Variants in FLII observed in about 807,000 individuals in gnomAD.
FLII encodes the protein protein flightless-1 homolog.
A neutral mutation model predicts 156.2 loss-of-function variants in FLII; 101 were observed. The observed-to-expected ratio is 0.65, with a 90% CI of 0.55 to 0.76. The LOEUF is 0.76. FLII is among the 30% of genes least tolerant of loss of function. The pLI is 0.00. For missense variants in FLII, 1,675 were observed against 1,682.8 expected (o/e 1.00, Z 0.08); for synonymous variants, 767 against 685.8 (o/e 1.12, Z -1.85).
At chr17:18,252,314 G>C (rs1004981760) in intron 10 of FLII, among the ~76,000 whole-genome samples, 158 bp downstream of exon 10, 6 of 152,170 alleles carry the variant, frequency 3.9e-5, no homozygotes, top group African/African-American at 1.2e-4. Flanking sequence ...TGAGACTGTG[G>C]AATGTACTCT....
chr17:18,248,890 A>G lies in FLII; in HGVS notation c.1935-7T>C. Reference sequence around the variant, plus strand: ...GTCCAGCAGGAAAACAAACCTGGACAAGAAGGGGCAGGAAGGAGCTGTGAT... The same window carrying G: ...GTCCAGCAGGAAAACAAACCTGGACGAGAAGGGGCAGGAAGGAGCTGTGAT... On this transcript the variant is annotated splice_region_variant and splice_polypyrimidine_tract_variant and intron_variant, in intron 16 of 29. Transcript: ENST00000327031. The G allele has an allele frequency of 6.2e-7, 1 of 1,612,212 alleles. No individual in the cohort carries two copies. The highest frequency in any genetic ancestry group is 8.5e-7 in the Non-Finnish European group (1 of 1,178,388).
At chr17:18,245,499 G>T (rs1411669994) in intron 28 of FLII, 56 bp downstream of exon 28, 5 of 1,610,924 alleles carry the variant, frequency 3.1e-6, no homozygotes, top group East Asian at 2.2e-5. Context: ...ATTCCCATTT[G>T]TAAGTAAGTC....
chr17:18,255,165 G>A lies in FLII; in HGVS notation c.327+18C>T. ...GGTCCGGCTAGCACAGGGGCCAGGT[G>A]AGTGGGTAGCCACTGACCAGGACTG... On this transcript the variant is annotated intron_variant, in intron 4 of 29. Transcript: ENST00000327031. The A allele has an allele frequency of 8.8e-6, 14 of 1,584,150 alleles. No homozygotes were observed. Among genetic ancestry groups the A allele is most frequent in the South Asian group, 2.2e-5 (2 of 90,518 alleles).
Position 18,249,149 on chromosome 17 carries a change from T to A in FLII, c.1912A>T (p.Lys638Ter), listed in dbSNP as rs748336694. The A allele has an allele frequency of 2.5e-6, 4 of 1,614,114 alleles. No homozygotes were observed. The highest frequency in any genetic ancestry group is 3.4e-6 in the Non-Finnish European group (4 of 1,180,006). The change falls in exon 16 of 30, where the codon AAG (lysine) becomes TAG (stop). Residue 638 changes from lysine to a stop codon, truncating the protein, a stop_gained. Transcript: ENST00000327031. LOFTEE classifies it high-confidence loss of function. Reference sequence around the variant, plus strand: ...CACCTTGGGTCCAGAGAGGTCCCCTTGAGGGGCACAGGCTCCAACTTGATG... The same window carrying A: ...CACCTTGGGTCCAGAGAGGTCCCCTAGAGGGGCACAGGCTCCAACTTGATG... ...KNIKLEPVPL[K>*]GTSLDPRFVF...
At position 18,254,520 on chromosome 17, in the gene FLII, C is replaced by T. The variant is rs1353658399; in HGVS notation, c.575+1G>A. 8 of 1,607,930 alleles carry T rather than the reference C, an allele frequency of 5.0e-6. No individual in the cohort carries two copies. The Admixed American group carries it at 5.1e-5, about 10-fold the overall frequency. On this transcript the variant is annotated splice_donor_variant, in intron 6 of 29. Coordinates refer to ENST00000327031, the MANE Select transcript of FLII (RefSeq NM_002018.4). LOFTEE classifies it high-confidence loss of function. ...GGAGTGCGGTCCGAGGGGGCGCCCA[C>T]CGGAGCTGTGCATGCAGCAGGGGGT...
chr17:18,253,638 C>T lies in FLII; in HGVS notation c.761G>A (p.Ser254Asn). The T allele has an allele frequency of 6.2e-7, 1 of 1,614,090 alleles. No individual in the cohort carries two copies. The highest frequency in any genetic ancestry group is 8.5e-7 in the Non-Finnish European group (1 of 1,180,032). The change falls in exon 8 of 30, where the codon AGC becomes AAC. Residue 254 changes from serine (S) to asparagine (N), a missense_variant. Ser to Asn is a conservative substitution (Grantham distance 46). Coordinates refer to ENST00000327031, the MANE Select transcript of FLII (RefSeq NM_002018.4). ...TLPSLRRLNLSSNQITELSLC... is the reference protein window; with the variant it reads ...TLPSLRRLNLNSNQITELSLC... ...GGACAGCTCCGTGATCTGGTTGCTGCTGAGGTTGAGGCGGCGCAGGCTGGG... is the reference window on the plus strand; with the variant it reads ...GGACAGCTCCGTGATCTGGTTGCTGTTGAGGTTGAGGCGGCGCAGGCTGGG...
At position 18,252,511 on chromosome 17, in the gene FLII, C is replaced by T; in HGVS notation, c.1059G>A (p.Val353=). ...GGAAATGGATGGCTTCTGGGAGGGT[C>T]ACCAGGTGGTTCTTGTTCAGGACAA... ...RKLVLNKNHL[V]TLPEAIHFLT... is the part of the protein sequence containing the mutation. The change falls in exon 10 of 30, where the codon GTG becomes GTA. Residue 353 remains valine (V), a synonymous_variant. Coordinates refer to ENST00000327031, the MANE Select transcript of FLII (RefSeq NM_002018.4). 6.2e-7 allele frequency: 1 copy of T among 1,613,788 alleles called. No homozygotes were observed. Among genetic ancestry groups the T allele is most frequent in the South Asian group, 1.1e-5 (1 of 91,084 alleles).
rs529765136 is a variant in FLII at position 18,245,077 on chromosome 17, GCAGA to G, written c.*57_*60del. The G allele has an allele frequency of 6.4e-7, 1 of 1,551,156 alleles. No individual in the cohort carries two copies. The highest frequency in any genetic ancestry group is 1.8e-5 in the Admixed American group (1 of 54,738). On this transcript the variant is annotated 3_prime_UTR_variant, in exon 30 of 30. Coordinates refer to ENST00000327031, the MANE Select transcript of FLII (RefSeq NM_002018.4). ...TGTCACCTGAGTACATTCTTTGCTA[GCAGA>G]CAGTGGATGAGGCCCCTTCCTCTTC... is the stretch of plus-strand genomic sequence containing the variant.
chr17:18,247,120 C>CCGGGGGGGGG, intron 21 of FLII, 49 bp downstream of exon 21: 1 of 1,284,390 alleles, frequency 7.8e-7, no homozygotes, highest in Non-Finnish European at 1.1e-6. Flanking sequence ...CCGCCCTCGG[C>CCGGGGGGGGG]CTGCCCCCCA....
Position 18,245,245 on chromosome 17 carries a change from C to T in FLII, c.3703G>A (p.Glu1235Lys). 6.2e-7 allele frequency: 1 copy of T among 1,613,672 alleles called. No individual in the cohort carries two copies. The change falls in exon 30 of 30, where the codon GAA (glutamate) becomes AAA (lysine). Residue 1235 changes from glutamate (E) to lysine (K), a missense_variant. Transcript: ENST00000327031. ...CGCAGCCGGCGCGGCCGCTCATGTT[C>T]CTTGGACCGCATGTGCTGGATATAT... ...QVYIQHMRSK[E>K]HERPRRLRLV...
At chr17:18,252,806 G>C (rs1227172338) in intron 9 of FLII, among the ~76,000 whole-genome samples, 1 of 152,202 alleles carries the variant, frequency 6.6e-6, no homozygotes, top group African/African-American at 2.4e-5. Flanking sequence ...CCCCCGAAGG[G>C]TGCTCTCAGG....
chr17:18,249,216 A>G lies in FLII; in HGVS notation c.1860-15T>C, dbSNP rs199569770. The G allele has an allele frequency of 6.2e-7, 1 of 1,614,156 alleles. No homozygotes were observed. The highest frequency in any genetic ancestry group is 2.2e-5 in the East Asian group (1 of 44,872). On this transcript the variant is annotated splice_polypyrimidine_tract_variant and intron_variant, in intron 15 of 29. Coordinates refer to ENST00000327031, the MANE Select transcript of FLII (RefSeq NM_002018.4). ...CACGATACATCCTGGGCGCAGGGCAAGAGTGGCTCAGTGTAGGCACCAAGG... is the reference window on the plus strand; with the variant it reads ...CACGATACATCCTGGGCGCAGGGCAGGAGTGGCTCAGTGTAGGCACCAAGG...
Position 18,253,447 on chromosome 17 carries a change from G to GCTCAGCTTT in FLII, c.866_867insAAAGCTGAG (p.Cys289delinsTer), listed in dbSNP as rs751136650. The GCTCAGCTTT allele has an allele frequency of 1.2e-6, 2 of 1,613,874 alleles. No individual in the cohort carries two copies. The highest frequency in any genetic ancestry group is 3.3e-5 in the Admixed American group (2 of 60,024). On this transcript the variant is annotated stop_gained, in exon 9 of 30. Transcript: ENST00000327031. LOFTEE classifies it high-confidence loss of function. ...ACAGCTTCTTCAGCTTGCTCAGCTT[G>GCTCAGCTTT]CAAATGGCTGACTGGAGGGGGAACG... is the stretch of plus-strand genomic sequence containing the variant.
chr17:18,258,529 C>CA lies in FLII; in HGVS notation c.63+98dup. On this transcript the variant is annotated intron_variant, in intron 1 of 29. Transcript: ENST00000327031. The surrounding 1 kb of genome is among the most constrained non-coding windows in gnomAD (Gnocchi z 4.2). ...CCCCGGCCGCAGTCCCTGGGACACG[C>CA]AGGGCCTGGAGCCGAGCGGGACAGG... 2.0e-6 allele frequency: 3 copies of CA among 1,512,626 alleles called. No individual in the cohort carries two copies. The highest frequency in any genetic ancestry group is 8.8e-7 in the Non-Finnish European group (1 of 1,137,236). 93.7% of individuals were successfully genotyped at this position (1,512,626 alleles called of 1,614,324 possible). A position where few individuals can be genotyped will look rare whatever the true frequency, so the allele number is the denominator to read the frequency against.
In FLII at chr17:18,246,773, TCTC is replaced by T. The variant is rs139095003; in HGVS notation, c.2869_2871del (p.Glu957del). 8.0e-3 allele frequency: 12,946 copies of T among 1,613,954 alleles called. 72 individuals carry two copies. Among genetic ancestry groups the T allele is most frequent in the Middle Eastern group, 0.01 (63 of 6,062 alleles). ...TCCTCGCCTTCTTTGCCCTCGGCCT[TCTC>T]CTCCTTGTCTTCCTTCTTTTCCTCC... On this transcript the variant is annotated inframe_deletion, in exon 23 of 30. Transcript: ENST00000327031.
rs763890190 is a variant in FLII at position 18,249,189 on chromosome 17, C to G, written c.1872G>C (p.Val624=). The G allele has an allele frequency of 1.9e-6, 3 of 1,614,198 alleles. No individual in the cohort carries two copies. Among genetic ancestry groups the G allele is most frequent in the Non-Finnish European group, 2.5e-6 (3 of 1,180,042 alleles). ...CCAACTTGATGTTCTTTTTCCCATA[C>G]ACACGATACATCCTGGGCGCAGGGC... ...DTHYVTRMYR[V]YGKKNIKLEP... The change falls in exon 16 of 30, where the codon GTG becomes GTC. Residue 624 remains valine (V), a synonymous_variant. Transcript: ENST00000327031.
Position 18,256,840 on chromosome 17 carries a change from C to T in FLII, c.174+69G>A, listed in dbSNP as rs1040832833. 3.7e-6 allele frequency: 4 copies of T among 1,086,128 alleles called. No individual in the cohort carries two copies. The African/African-American group carries it at 6.2e-5, about 17-fold the overall frequency. 67.3% of individuals were successfully genotyped at this position (1,086,128 alleles called of 1,614,324 possible). A position where few individuals can be genotyped will look rare whatever the true frequency, so the allele number is the denominator to read the frequency against. On this transcript the variant is annotated intron_variant, in intron 2 of 29. Transcript: ENST00000327031. ...TCCTCTCTCTGGAGAAGTTGTCTGC[C>T]TTCTCCACAGGCTCTGCCCACCTGG...
intron 7 of FLII, 131 bp downstream of exon 7, chr17:18,253,948 C>T (rs1170713248): frequency 1.3e-6 from 1 of 787,596 alleles, no homozygotes; most frequent in Non-Finnish European, 2.0e-6. Flanking sequence ...TCGCAAAAGT[C>T]ACTGTAACAT....
At position 18,251,311 on chromosome 17, in the gene FLII, G is replaced by A. The variant is rs754450455; in HGVS notation, c.1550C>T (p.Ala517Val). The change falls in exon 13 of 30, where the codon GCC becomes GTC. Residue 517 changes from alanine to valine, a missense_variant. By Grantham distance (64) the Ala-to-Val change is moderately conservative. Around this residue, in one of 2 missense-constraint regions of FLII, gnomAD observed 1,332 missense variants for 1,269.3 expected, o/e 1.05. Coordinates refer to ENST00000327031, the MANE Select transcript of FLII (RefSeq NM_002018.4). ...AGCCTCGTAGAACTTGCCGTGGAAG[G>A]CTTCCTCCACCAGCACAGGCACGAA... is the stretch of plus-strand genomic sequence containing the variant. ...ENFVPVLVEE[A>V]FHGKFYEADC... is the part of the protein sequence containing the mutation. The A allele has an allele frequency of 3.1e-6, 5 of 1,613,994 alleles. No homozygotes were observed. The highest frequency in any genetic ancestry group is 4.2e-6 in the Non-Finnish European group (5 of 1,180,036).
Sources: gnomAD v4.1 joint callset for allele counts (sites outside exome capture counted in the v4.1 genomes callset) on GRCh38, gnomAD v4.1.1 for gene constraint, gnomAD v4.1.1 regional missense constraint, Gnocchi (gnomAD v3.1) non-coding constraint, MANE v1.5 for transcripts, NCBI Gene and HGNC (gene_info 2026-07-23, HGNC 2026-07-21) for gene names.